IQCH: variants seen among roughly 807,000 people sequenced by gnomAD.
IQCH encodes IQ motif containing H.
A neutral mutation model predicts 117.0 loss-of-function variants in IQCH; 98 were observed. The observed-to-expected ratio is 0.84, with a 90% confidence interval of 0.71 to 0.99. IQCH has a LOEUF of 0.99. Ranked by LOEUF, IQCH falls within the 50% of genes least tolerant of loss-of-function variation. The pLI, the probability that IQCH is intolerant of heterozygous loss-of-function variation, is 0.00. For synonymous variants in IQCH, 412 were observed against 448.2 expected (o/e 0.92, Z 1.02); for missense variants, 1,102 against 1,243.8 (o/e 0.89, Z 1.72).
intron 6 of IQCH, among the ~76,000 whole-genome samples, chr15:67,355,422 C>G (rs901486770): frequency 1.1e-4 from 16 of 151,474 alleles, no homozygotes; most frequent in African/African-American, 3.9e-4. Context: ...CCGTCTCTAC[C>G]AAAAAATACA....
intron 3 of IQCH, among the ~76,000 whole-genome samples, chr15:67,264,770 A>G (rs1178173889): frequency 1.3e-5 from 2 of 151,902 alleles, no homozygotes; most frequent in Admixed American, 1.3e-4. Flanking sequence ...ATTGGGGGCC[A>G]TCTAGGAGGC....
chr15:67,375,365 A>G (rs1258740106), intron 10 of IQCH, among the ~76,000 whole-genome samples: 2 of 152,174 alleles, frequency 1.3e-5, no homozygotes, highest in African/African-American at 4.8e-5. Context: ...GTTTGAGATT[A>G]CAGTGAGCTA....
chr15:67,340,122 C>T (rs1022641577), intron 5 of IQCH, among the ~76,000 whole-genome samples: 1 of 151,988 alleles, frequency 6.6e-6, no homozygotes, highest in African/African-American at 2.4e-5. Context: ...ACGCATCAAC[C>T]TTGATTCTTT....
At position 67,457,441 on chromosome 15, in the gene IQCH, T is replaced by C. The variant is rs946196325; in HGVS notation, c.2506-7686T>C. 2.0e-5 allele frequency among the ~76,000 whole-genome samples: 3 copies of C among 152,214 alleles called. No homozygotes were observed. The highest frequency in any genetic ancestry group is 4.4e-5 in the Non-Finnish European group (3 of 68,042). On this transcript the variant is annotated intron_variant, in intron 16 of 20. Transcript: ENST00000335894. The surrounding 1 kb of genome is among the most constrained non-coding windows in gnomAD (Gnocchi z 5.7). ...TGGGATTCTGAGGCCTGTATTTAAA[T>C]AGCATCTGCAAAGAGTTAAATGTGC...
In IQCH at chr15:67,421,432, C is replaced by A; in HGVS notation, c.2360C>A (p.Thr787Asn). The change falls in exon 16 of 21, where the codon ACC becomes AAC. Residue 787 changes from threonine (T) to asparagine (N), a missense_variant. Thr to Asn is a moderately conservative substitution (Grantham distance 65). Around this residue, in one of 2 missense-constraint regions of IQCH, gnomAD observed 650 missense variants for 794.3 expected, o/e 0.82. Transcript: ENST00000335894. ...GAAAGCCCCTTCATCTCCTCTGGTA[C>A]CACCGTGCCTCAGACCTCAGTGGAT... Reference protein sequence around the residue: ...HAESPFISSGTTVPQTSVDPQ... With the variant: ...HAESPFISSGNTVPQTSVDPQ... 7 of 1,614,206 alleles carry A rather than the reference C, an allele frequency of 4.3e-6. No homozygotes were observed. The highest frequency in any genetic ancestry group is 5.9e-6 in the Non-Finnish European group (7 of 1,180,020).
At position 67,384,796 on chromosome 15, in the gene IQCH, G is replaced by T. The variant is rs1233197912; in HGVS notation, c.1373-140G>T. 4 of 577,742 alleles carry T rather than the reference G, an allele frequency of 6.9e-6. No homozygotes were observed. The highest frequency in any genetic ancestry group is 9.6e-6 in the Non-Finnish European group (3 of 313,156). The allele number at this position is 577,742 out of a possible 1,614,324, so 35.8% of individuals were successfully genotyped here. On this transcript the variant is annotated intron_variant, in intron 10 of 20. Transcript: ENST00000335894. This position sits in a 1 kb window ranked among gnomAD's most constrained non-coding sequence, Gnocchi z 4.3. Reference sequence around the variant, plus strand: ...CCGAGAAACAAGCACCTCATTCTTCGGGATTGGGTTGTTTCTGTAAGATGC... The same window carrying T: ...CCGAGAAACAAGCACCTCATTCTTCTGGATTGGGTTGTTTCTGTAAGATGC...
chr15:67,471,835 T>A (rs1020781592), intron 17 of IQCH, among the ~76,000 whole-genome samples: 1 of 152,240 alleles, frequency 6.6e-6, no homozygotes, highest in African/African-American at 2.4e-5. Context: ...TTTCTTCCTG[T>A]AGAAACTGTG....
intron 18 of IQCH, among the ~76,000 whole-genome samples, chr15:67,488,359 T>C (rs904674393): frequency 3.3e-5 from 5 of 152,128 alleles, no homozygotes; most frequent in East Asian, 1.9e-4. Context: ...TAGGCAGATA[T>C]TATAACGGGT....
intron 16 of IQCH, among the ~76,000 whole-genome samples, chr15:67,455,714 T>G (rs546638974): frequency 6.6e-6 from 1 of 152,292 alleles, no homozygotes; most frequent in African/African-American, 2.4e-5. Context: ...CAGAAGACTT[T>G]TGGAGATCAT....
intron 4 of IQCH, among the ~76,000 whole-genome samples, chr15:67,298,923 C>T (rs961523387): frequency 1.3e-5 from 2 of 151,980 alleles, no homozygotes; most frequent in African/African-American, 4.8e-5. Context: ...ATCCCATTTC[C>T]GAAAGAAAGG....
rs202029010 is a variant in IQCH, at chr15:67,353,365, T to TA, written c.638-3980_638-3979insA. On this transcript the variant is annotated intron_variant, in intron 6 of 20. Coordinates refer to ENST00000335894, the MANE Select transcript of IQCH (RefSeq NM_001031715.3). ...TTTTTTTATTTTATATTTATTTATTTTTTTTTTTTTTTGAGACAGAGTCTC... is the reference window on the plus strand; with the variant it reads ...TTTTTTTATTTTATATTTATTTATTTATTTTTTTTTTTTGAGACAGAGTCTC... Among the ~76,000 whole-genome samples the TA allele has an allele frequency of 8.6e-3, 1,217 of 141,332 alleles. 8 individuals are homozygous for TA. Among genetic ancestry groups the TA allele is most frequent in the Middle Eastern group, 0.011 (3 of 262 alleles). 92.7% of individuals were successfully genotyped at this position (141,332 alleles called of 152,430 possible).
chr15:67,275,225 G>A (rs529989658), intron 3 of IQCH, among the ~76,000 whole-genome samples: 46 of 152,184 alleles, frequency 3.0e-4, no homozygotes, highest in Non-Finnish European at 5.4e-4. Context: ...AGGTGATAGG[G>A]AAGCTGGTTG....
rs1447495616 is a variant in IQCH at position 67,366,138 on chromosome 15, TTATGA to T, written c.754-5971_754-5967del. On this transcript the variant is annotated intron_variant, in intron 8 of 20. Coordinates refer to ENST00000335894, the MANE Select transcript of IQCH (RefSeq NM_001031715.3). This position sits in a 1 kb window ranked among gnomAD's most constrained non-coding sequence, Gnocchi z 4.4. Reference sequence around the variant, plus strand: ...CTTTTTCCCATACGTGTAGAGAAAATTATGATGTGTCTTTGCTCAGAGATCTGGGA... The same window carrying T: ...CTTTTTCCCATACGTGTAGAGAAAATTGTGTCTTTGCTCAGAGATCTGGGA... Among the ~76,000 whole-genome samples the T allele has an allele frequency of 6.6e-6, 1 of 152,114 alleles. No individual in the cohort carries two copies. The highest frequency in any genetic ancestry group is 2.4e-5 in the African/African-American group (1 of 41,424).
Position 67,388,759 on chromosome 15 carries a change from C to A in IQCH, c.1457-72C>A. On this transcript the variant is annotated intron_variant, in intron 11 of 20. Coordinates refer to ENST00000335894, the MANE Select transcript of IQCH (RefSeq NM_001031715.3). The surrounding 1 kb of genome is among the most constrained non-coding windows in gnomAD (Gnocchi z 5.5). Reference sequence around the variant, plus strand: ...CTCTTTATTTTAAACTGCACAACACCAATCGGATGCCAGAGTTCATAATGT... The same window carrying A: ...CTCTTTATTTTAAACTGCACAACACAAATCGGATGCCAGAGTTCATAATGT... The A allele has an allele frequency of 1.5e-6, 2 of 1,295,634 alleles. No homozygotes were observed. Among genetic ancestry groups the A allele is most frequent in the Non-Finnish European group, 2.2e-6 (2 of 905,420 alleles). 80.3% of individuals were successfully genotyped at this position (1,295,634 alleles called of 1,614,324 possible).
Position 67,405,396 on chromosome 15 carries a change from A to G in IQCH, c.2097+5091A>G, listed in dbSNP as rs1288452386. On this transcript the variant is annotated intron_variant, in intron 14 of 20. Coordinates refer to ENST00000335894, the MANE Select transcript of IQCH (RefSeq NM_001031715.3). The surrounding 1 kb of genome is among the most constrained non-coding windows in gnomAD (Gnocchi z 4.8). ...CATTTCCTTGTATTTCTTTGTCATC[A>G]TCATCATCATCATCATCATCATCAT... 3.4e-4 allele frequency: 23 copies of G among 66,882 alleles called. No individual in the cohort carries two copies. Among genetic ancestry groups the G allele is most frequent in the Non-Finnish European group, 6.6e-4 (15 of 22,708 alleles). 4.1% of individuals were successfully genotyped at this position (66,882 alleles called of 1,614,324 possible).
intron 19 of IQCH, among the ~76,000 whole-genome samples, chr15:67,492,727 G>C (rs2083694741): frequency 6.6e-6 from 1 of 152,162 alleles, no homozygotes; most frequent in African/African-American, 2.4e-5. Flanking sequence ...ATGAGACAGG[G>C]GTAGTATCAC....
intron 4 of IQCH, among the ~76,000 whole-genome samples, chr15:67,311,739 CTATT>C (rs1427438710): frequency 2.0e-5 from 3 of 151,982 alleles, no homozygotes; most frequent in African/African-American, 7.3e-5. Flanking sequence ...TTATCAGCAT[CTATT>C]TAAGGTTGCA....
chr15:67,448,286 C>T (rs1258665593), intron 16 of IQCH, among the ~76,000 whole-genome samples: 1 of 151,806 alleles, frequency 6.6e-6, no homozygotes, highest in Non-Finnish European at 1.5e-5. Flanking sequence ...AGGTTTGTTA[C>T]ATATGTATAC....
At position 67,431,457 on chromosome 15, in the gene IQCH, G is replaced by A. The variant is rs1314310257; in HGVS notation, c.2505+9880G>A. ...GATGAGAATACAGGGACACATAGAGGGGAACACCACGCACTGAGGCCTATC... is the reference window on the plus strand; with the variant it reads ...GATGAGAATACAGGGACACATAGAGAGGAACACCACGCACTGAGGCCTATC... On this transcript the variant is annotated intron_variant, in intron 16 of 20. Transcript: ENST00000335894. This position sits in a 1 kb window ranked among gnomAD's most constrained non-coding sequence, Gnocchi z 4.8. 1.3e-5 allele frequency among the ~76,000 whole-genome samples: 2 copies of A among 152,020 alleles called. No homozygotes were observed. Among genetic ancestry groups the A allele is most frequent in the Non-Finnish European group, 2.9e-5 (2 of 68,002 alleles).
Sources: gnomAD v4.1 joint callset for allele counts (sites outside exome capture counted in the v4.1 genomes callset) on GRCh38, gnomAD v4.1.1 for gene constraint, gnomAD v4.1.1 regional missense constraint, Gnocchi (gnomAD v3.1) non-coding constraint, MANE v1.5 for transcripts, NCBI Gene and HGNC (gene_info 2026-07-23, HGNC 2026-07-21) for gene names.